The following MITF variants were observed in gnomAD, a reference collection of about 807,000 sequenced individuals.
MITF encodes the protein microphthalmia-associated transcription factor.
A neutral mutation model predicts 60.5 loss-of-function variants in MITF; 17 were observed. The ratio of observed to expected loss-of-function variants is 0.28; its 90% CI spans 0.19 to 0.42. MITF has a LOEUF of 0.42. Ranked by LOEUF, MITF falls within the 10% of genes least tolerant of loss-of-function variation. MITF has a pLI of 1.00. For missense variants in MITF, 622 were observed against 683.5 expected, an observed-to-expected ratio of 0.91 and a Z score of 1.00; for synonymous variants, 260 against 248.5, an observed-to-expected ratio of 1.05 and a Z score of -0.43.
At chr3:69,820,918 TG>T (rs1283827726) in intron 1 of MITF, among the ~76,000 whole-genome samples, 1 of 152,106 alleles carries the variant, frequency 6.6e-6, no homozygotes, top group Non-Finnish European at 1.5e-5. Flanking sequence ...TACTCGTGTG[TG>T]TGTGTGTGTG....
At chr3:69,765,607 C>A (rs533902558) in intron 1 of MITF, among the ~76,000 whole-genome samples, 1 of 152,134 alleles carries the variant, frequency 6.6e-6, no homozygotes, top group African/African-American at 2.4e-5. Context: ...AGACCAAGCT[C>A]ATATGTGCTG....
intron 1 of MITF, among the ~76,000 whole-genome samples, chr3:69,774,813 A>G (rs1272347393): frequency 6.6e-6 from 1 of 152,038 alleles, no homozygotes; most frequent in African/African-American, 2.4e-5. Context: ...GCATGTTAGC[A>G]CCTCAGCTGT....
At chr3:69,802,202 A>C (rs2062933064) in intron 1 of MITF, among the ~76,000 whole-genome samples, 1 of 152,076 alleles carries the variant, frequency 6.6e-6, no homozygotes, top group Non-Finnish European at 1.5e-5. Flanking sequence ...CTGGCAGCGC[A>C]GGGTGTTACT....
chr3:69,958,484 GACCCTCCATTC>G lies in MITF; in HGVS notation c.1032-785_1032-775del, dbSNP rs1188346675. On this transcript the variant is annotated intron_variant, in intron 8 of 9. Coordinates refer to ENST00000352241, the MANE Select transcript of MITF (RefSeq NM_001354604.2). ...TCAATTACTTGGTGACTTGTTTAATGACCCTCCATTCACCGGTTCCACCTGATACTTGTAGA... is the reference window on the plus strand; with the variant it reads ...TCAATTACTTGGTGACTTGTTTAATGACCGGTTCCACCTGATACTTGTAGA... Among the ~76,000 whole-genome samples the G allele has an allele frequency of 7.2e-5, 11 of 151,774 alleles. No individual in the cohort carries two copies. The East Asian group carries it at 1.9e-3, about 27-fold the overall frequency.
chr3:69,929,373 G>C (rs919574077), intron 2 of MITF, among the ~76,000 whole-genome samples: 2 of 152,126 alleles, frequency 1.3e-5, no homozygotes, highest in Non-Finnish European at 2.9e-5. Flanking sequence ...AGGTCAATGA[G>C]GTAATGCTCC....
At position 69,967,252 on chromosome 3, in the gene MITF, A is replaced by G; in HGVS notation, c.*2004A>G. Reference sequence around the variant, plus strand: ...TTATAGCTTTATTTCTTAAGGGGGTAGGGAAAATTAGTTCCCATTCTTTCA... The same window carrying G: ...TTATAGCTTTATTTCTTAAGGGGGTGGGGAAAATTAGTTCCCATTCTTTCA... On this transcript the variant is annotated 3_prime_UTR_variant, in exon 10 of 10. Transcript: ENST00000352241. 1 of 232,314 alleles carries G rather than the reference A, an allele frequency of 4.3e-6. No individual in the cohort carries two copies. Among genetic ancestry groups the G allele is most frequent in the African/African-American group, 2.2e-5 (1 of 45,376 alleles). 14.4% of individuals were successfully genotyped at this position (232,314 alleles called of 1,614,324 possible). A position where few individuals can be genotyped will look rare whatever the true frequency, so the allele number is the denominator to read the frequency against.
intron 1 of MITF, among the ~76,000 whole-genome samples, chr3:69,800,838 C>G (rs1297881732): frequency 6.6e-6 from 1 of 152,050 alleles, no homozygotes; most frequent in Non-Finnish European, 1.5e-5. Context: ...ATTTGAAATA[C>G]TACTTTATAA....
At chr3:69,761,310 T>G (rs1343717001) in intron 1 of MITF, among the ~76,000 whole-genome samples, 1 of 152,218 alleles carries the variant, frequency 6.6e-6, no homozygotes, top group Non-Finnish European at 1.5e-5. Context: ...GTGTTTTATA[T>G]AATATAATTC....
intron 1 of MITF, among the ~76,000 whole-genome samples, chr3:69,853,333 T>A (rs2063857668): frequency 6.6e-6 from 1 of 152,214 alleles, no homozygotes; most frequent in African/African-American, 2.4e-5. Flanking sequence ...TAGCCAATTA[T>A]GCCAAAATTC....
chr3:69,826,391 A>G (rs574702532), intron 1 of MITF, among the ~76,000 whole-genome samples: 149 of 152,336 alleles, frequency 9.8e-4, no homozygotes, highest in African/African-American at 3.4e-3. Context: ...AAGTAGTTAT[A>G]TAGTTCATTC....
At chr3:69,824,815 G>T (rs2063329812) in intron 1 of MITF, among the ~76,000 whole-genome samples, 1 of 152,176 alleles carries the variant, frequency 6.6e-6, no homozygotes, top group African/African-American at 2.4e-5. Flanking sequence ...GGTGCCTCTG[G>T]TGGGACACCT....
At chr3:69,919,564 T>C (rs1403291291) in intron 2 of MITF, among the ~76,000 whole-genome samples, 1 of 152,220 alleles carries the variant, frequency 6.6e-6, no homozygotes, top group Non-Finnish European at 1.5e-5. Context: ...AAACTATACT[T>C]TTTCCTTTCC....
intron 5 of MITF, among the ~76,000 whole-genome samples, chr3:69,943,552 C>G (rs1191677150): frequency 6.6e-6 from 1 of 151,998 alleles, no homozygotes; most frequent in Non-Finnish European, 1.5e-5. Flanking sequence ...TTAAGTATAA[C>G]TTATTAATTA....
At chr3:69,832,744 G>A (rs2063470354) in intron 1 of MITF, among the ~76,000 whole-genome samples, 1 of 152,042 alleles carries the variant, frequency 6.6e-6, no homozygotes, top group Non-Finnish European at 1.5e-5. Context: ...TACTGAATGT[G>A]GTTATTTCCC....
At chr3:69,764,033 CTT>C in intron 1 of MITF, 1 of 1,058,680 alleles carries the variant, frequency 9.4e-7, no homozygotes, top group Non-Finnish European at 1.3e-6. Context: ...CGTATGAAAT[CTT>C]TGGTTCTTGT....
intron 4 of MITF, among the ~76,000 whole-genome samples, chr3:69,939,566 C>G (rs2065923329): frequency 6.6e-6 from 1 of 151,924 alleles, no homozygotes; most frequent in Non-Finnish European, 1.5e-5. Context: ...AATGGAATCT[C>G]ATGGAACATA....
chr3:69,880,439 G>A (rs2107282752), intron 2 of MITF, among the ~76,000 whole-genome samples: 1 of 152,258 alleles, frequency 6.6e-6, no homozygotes, highest in East Asian at 1.9e-4. Context: ...AAAATATAGT[G>A]ATGCAATAAT....
rs567848774 is a variant in MITF, at chr3:69,771,753, C to A, written c.104+32052C>A. Among the ~76,000 whole-genome samples the A allele has an allele frequency of 5.9e-5, 9 of 152,228 alleles. 1 individual carries two copies. The South Asian group carries it at 1.2e-3, about 21-fold the overall frequency. On this transcript the variant is annotated intron_variant, in intron 1 of 9. Coordinates refer to ENST00000352241, the MANE Select transcript of MITF (RefSeq NM_001354604.2). ...TTAAAAATGGCACCAGCATTCAGAA[C>A]TTGAATCATCCCAAATTCTCTAGCA...
intron 1 of MITF, among the ~76,000 whole-genome samples, chr3:69,845,409 G>GTTTTC (rs1449236792): frequency 1.5e-5 from 2 of 133,316 alleles, no homozygotes; most frequent in Non-Finnish European, 1.7e-5. Flanking sequence ...GCAATTCTTT[G>GTTTTC]TTTTCTTTTC....
Sources: gnomAD v4.1 joint callset for allele counts (sites outside exome capture counted in the v4.1 genomes callset) on GRCh38, gnomAD v4.1.1 for gene constraint, MANE v1.5 for transcripts, NCBI Gene and HGNC (gene_info 2026-07-23, HGNC 2026-07-21) for gene names.